The following APP variants were observed in gnomAD, a reference collection of about 807,000 sequenced individuals.
APP encodes the protein amyloid beta precursor protein, also known as amyloid-beta precursor protein.
Under a neutral mutation model 101.4 loss-of-function variants are expected in APP, and 31 were observed. The observed-to-expected ratio is 0.31, with a 90% confidence interval of 0.23 to 0.41. The LOEUF (loss-of-function observed/expected upper bound fraction) is 0.41, where lower values mean the gene tolerates loss of function less well. APP is among the 10% of genes least tolerant of loss of function. The probability of loss-of-function intolerance (pLI) is 1.00; values close to 1 mark genes in which losing one functional copy is unlikely to be tolerated. For synonymous variants in APP, 366 were observed against 364.4 expected (o/e 1.00, Z -0.05); for missense variants, 839 against 1,003.7 (o/e 0.84, Z 2.22).
chr21:26,081,655 C>T (rs1260709748), intron 3 of APP, among the ~76,000 whole-genome samples: 1 of 152,162 alleles, frequency 6.6e-6, no homozygotes, highest in East Asian at 1.9e-4. Flanking sequence ...AGAGGCCTGA[C>T]AGTTACAGAA....
rs144065213 is a variant in APP at position 25,993,977 on chromosome 21, G to A, written c.1090+3383C>T. ...TTAGTTGTTTGTACCACATGTCAGCGCAAATGAAGGAGCCTGAGATGGGAC... is the reference window on the plus strand; with the variant it reads ...TTAGTTGTTTGTACCACATGTCAGCACAAATGAAGGAGCCTGAGATGGGAC... On this transcript the variant is annotated intron_variant, in intron 8 of 17. Coordinates refer to ENST00000346798, the MANE Select transcript of APP (RefSeq NM_000484.4). Among the ~76,000 whole-genome samples the A allele has an allele frequency of 2.9e-3, 445 of 152,294 alleles. 1 individual carries two copies. Among genetic ancestry groups the A allele is most frequent in the African/African-American group, 0.01 (422 of 41,566 alleles).
intron 1 of APP, among the ~76,000 whole-genome samples, chr21:26,118,442 ACACT>A (rs1238642088): frequency 3.9e-5 from 6 of 152,238 alleles, no homozygotes; most frequent in African/African-American, 7.2e-5. Context: ...ACATACACAC[ACACT>A]AACATATATG....
At chr21:25,891,103 G>GTA (rs1240311106) in intron 17 of APP, among the ~76,000 whole-genome samples, 3 of 152,088 alleles carry the variant, frequency 2.0e-5, no homozygotes, top group African/African-American at 7.2e-5. Context: ...TCTTGTTTTA[G>GTA]TATAGCACCT....
chr21:26,164,135 C>T (rs1252033030), intron 1 of APP, among the ~76,000 whole-genome samples: 1 of 152,184 alleles, frequency 6.6e-6, no homozygotes, highest in Non-Finnish European at 1.5e-5. Context: ...ATCCCAGCTA[C>T]TCGGGAGGCT....
intron 11 of APP, among the ~76,000 whole-genome samples, chr21:25,959,217 G>C (rs530470939): frequency 3.9e-5 from 6 of 152,188 alleles, no homozygotes; most frequent in Non-Finnish European, 7.3e-5. Context: ...GGCAGGTCAC[G>C]AGGTCAGGAG....
At chr21:26,017,091 C>T (rs950186163) in intron 6 of APP, among the ~76,000 whole-genome samples, 2 of 148,662 alleles carry the variant, frequency 1.3e-5, no homozygotes, top group Non-Finnish European at 1.5e-5. Flanking sequence ...CCCAGCTACT[C>T]GGGAGGCTGA....
At chr21:26,163,617 T>C (rs1293455317) in intron 1 of APP, among the ~76,000 whole-genome samples, 1 of 152,234 alleles carries the variant, frequency 6.6e-6, no homozygotes, top group Non-Finnish European at 1.5e-5. Flanking sequence ...GCTTCTGTCA[T>C]TACACATCCT....
intron 1 of APP, chr21:26,158,128 C>T (rs1002104900): frequency 6.6e-5 from 10 of 152,188 alleles, no homozygotes; most frequent in Non-Finnish European, 2.9e-5. Context: ...AAGTCTGAAC[C>T]ATCTAGAGTT....
intron 2 of APP, among the ~76,000 whole-genome samples, chr21:26,098,994 G>A (rs373586663): frequency 3.2e-4 from 49 of 152,282 alleles, no homozygotes; most frequent in African/African-American, 1.1e-3. Flanking sequence ...AGACTGACTA[G>A]ATTTGATCAT....
At chr21:26,120,404 C>CTTG (rs2062539592) in intron 1 of APP, among the ~76,000 whole-genome samples, 1 of 152,118 alleles carries the variant, frequency 6.6e-6, no homozygotes, top group Non-Finnish European at 1.5e-5. Context: ...TTCCTCCTGC[C>CTTG]TTGGTCTCCT....
At chr21:26,120,788 A>G (rs1042638448) in intron 1 of APP, among the ~76,000 whole-genome samples, 1 of 152,218 alleles carries the variant, frequency 6.6e-6, no homozygotes, top group African/African-American at 2.4e-5. Context: ...AAAGCAATCT[A>G]ATGCTATTAA....
intron 1 of APP, among the ~76,000 whole-genome samples, chr21:26,159,461 T>A (rs1181563293): frequency 6.6e-6 from 1 of 152,222 alleles, no homozygotes; most frequent in Non-Finnish European, 1.5e-5. Context: ...TGAGAAAACT[T>A]GCAGTAGAGA....
rs147053543 is a variant in APP, at chr21:26,100,382, T to C, written c.226-10310A>G. ...TTTCAAATTCCAAAACCACAATGTA[T>C]ACGTGCCTATGATTTGCCAATTTTC... On this transcript the variant is annotated intron_variant, in intron 2 of 17. Transcript: ENST00000346798. 4.9e-3 allele frequency among the ~76,000 whole-genome samples: 739 copies of C among 152,268 alleles called. 5 individuals are homozygous for C. Among genetic ancestry groups the C allele is most frequent in the African/African-American group, 0.016 (673 of 41,540 alleles).
intron 15 of APP, 83 bp downstream of exon 15, chr21:25,904,941 G>A (rs2146296056): frequency 1.7e-6 from 2 of 1,209,680 alleles, no homozygotes; most frequent in Non-Finnish European, 2.4e-6. Context: ...AATTGAGAGA[G>A]GCTTAAAATG....
At chr21:26,093,263 C>T (rs1465276564) in intron 2 of APP, among the ~76,000 whole-genome samples, 1 of 152,150 alleles carries the variant, frequency 6.6e-6, no homozygotes, top group African/African-American at 2.4e-5. Flanking sequence ...ACTCATGAGT[C>T]ATAAACTGTA....
At chr21:26,023,601 G>A (rs566103598) in intron 5 of APP, among the ~76,000 whole-genome samples, 14 of 152,164 alleles carry the variant, frequency 9.2e-5, no homozygotes, top group African/African-American at 3.4e-4. Context: ...TACTCAGAAG[G>A]CTGGGGCGGG....
At chr21:26,067,981 A>G (rs945021573) in intron 3 of APP, 3 of 152,188 alleles carry the variant, frequency 2.0e-5, no homozygotes, top group Non-Finnish European at 1.5e-5. Flanking sequence ...TTAAGGTTAT[A>G]TACGGGGCTT....
At chr21:26,103,045 TCAA>T (rs781674982) in intron 2 of APP, among the ~76,000 whole-genome samples, 1 of 151,966 alleles carries the variant, frequency 6.6e-6, no homozygotes, top group African/African-American at 2.4e-5. Flanking sequence ...AAATAACAAC[TCAA>T]CAGTCTACTG....
Position 25,997,436 on chromosome 21 carries a change from A to G in APP, c.1034-20T>C. ...GGGACACTATGGAAAAAATAAGAGA[A>G]CATAACTAAAAACAAAAAGAGAAAC... is the stretch of plus-strand genomic sequence containing the variant. On this transcript the variant is annotated intron_variant, in intron 7 of 17. Coordinates refer to ENST00000346798, the MANE Select transcript of APP (RefSeq NM_000484.4). 8 of 1,600,838 alleles carry G rather than the reference A, an allele frequency of 5.0e-6. No homozygotes were observed. Among genetic ancestry groups the G allele is most frequent in the Non-Finnish European group, 6.0e-6 (7 of 1,167,948 alleles).
Sources: gnomAD v4.1 joint callset for allele counts (sites outside exome capture counted in the v4.1 genomes callset) on GRCh38, gnomAD v4.1.1 for gene constraint, MANE v1.5 for transcripts, NCBI Gene and HGNC (gene_info 2026-07-23, HGNC 2026-07-21) for gene names.